THAP12: variants seen among roughly 807,000 people sequenced by gnomAD.
THAP12 encodes 52 kDa repressor of the inhibitor of the protein kinase.
In THAP12, 20 loss-of-function variants were observed where a neutral mutation model predicts 63.0. That is an observed-to-expected ratio of 0.32 (90% confidence interval 0.22 to 0.46). The LOEUF (loss-of-function observed/expected upper bound fraction) is 0.46, where lower values mean the gene tolerates loss of function less well. Among genes scored for constraint, THAP12 ranks in the 20% least tolerant of loss-of-function variants. THAP12 has a pLI of 1.00. For synonymous variants in THAP12, 264 were observed against 328.4 expected, an observed-to-expected ratio of 0.80 and a Z score of 2.12; for missense variants, 568 against 908.2, an observed-to-expected ratio of 0.63 and a Z score of 4.81.
intron 1 of THAP12, among the ~76,000 whole-genome samples, chr11:76,377,005 CTACTCCTCACTG>C (rs767642524): frequency 1.2e-3 from 190 of 152,206 alleles, no homozygotes; most frequent in Non-Finnish European, 2.2e-3. Flanking sequence ...TTCCCAACTG[CTACTCCTCACTG>C]TACTGAGCGA....
At chr11:76,354,187 C>T (rs1946545658) in intron 4 of THAP12, among the ~76,000 whole-genome samples, 1 of 152,186 alleles carries the variant, frequency 6.6e-6, no homozygotes, top group Non-Finnish European at 1.5e-5. Flanking sequence ...AAAGGGAAAT[C>T]TAGTCTGACC....
chr11:76,357,423 T>C (rs2618064), intron 3 of THAP12: 29,106 of 151,972 alleles, frequency 0.19, 3,371 homozygotes, highest in Admixed American at 0.33. Context: ...TAAGGATTTC[T>C]CAGAATTTAA....
At chr11:76,355,060 TA>T (rs1946552020) in intron 4 of THAP12, among the ~76,000 whole-genome samples, 1 of 152,226 alleles carries the variant, frequency 6.6e-6, no homozygotes, top group Non-Finnish European at 1.5e-5. Flanking sequence ...AATGCTACGT[TA>T]ATAATAACAG....
intron 1 of THAP12, among the ~76,000 whole-genome samples, chr11:76,366,260 C>A (rs1011464494): frequency 6.6e-6 from 1 of 152,190 alleles, no homozygotes; most frequent in Non-Finnish European, 1.5e-5. Flanking sequence ...ACTCCCAAAA[C>A]ATCAGAGAAG....
At chr11:76,374,423 C>G (rs1946694960) in intron 1 of THAP12, among the ~76,000 whole-genome samples, 1 of 150,888 alleles carries the variant, frequency 6.6e-6, no homozygotes, top group African/African-American at 2.4e-5. Context: ...CATCAGTGAT[C>G]TCACCAGAAA....
At chr11:76,361,266 TA>T (rs1946596160) in intron 2 of THAP12, 1 of 462,602 alleles carries the variant, frequency 2.2e-6, no homozygotes. Context: ...TATTATAAAT[TA>T]AGAAACTGAA....
At chr11:76,361,224 C>T in intron 2 of THAP12, 161 bp from the exon 3 acceptor site, 1 of 520,240 alleles carries the variant, frequency 1.9e-6, no homozygotes, top group Non-Finnish European at 3.4e-6. Context: ...CTACTATTTC[C>T]AACTGTGCCT....
At chr11:76,375,899 G>A (rs1404658603) in intron 1 of THAP12, among the ~76,000 whole-genome samples, 1 of 152,188 alleles carries the variant, frequency 6.6e-6, no homozygotes, top group South Asian at 2.1e-4. Flanking sequence ...GTAGTACGAG[G>A]AGGTTTGATT....
intron 2 of THAP12, among the ~76,000 whole-genome samples, chr11:76,363,158 T>C (rs1198992770): frequency 2.0e-5 from 3 of 151,748 alleles, no homozygotes; most frequent in Non-Finnish European, 4.4e-5. Context: ...AAAATAATAA[T>C]AATAAAAAAT....
chr11:76,378,130 T>C (rs1946724174), intron 1 of THAP12, among the ~76,000 whole-genome samples: 1 of 152,232 alleles, frequency 6.6e-6, no homozygotes. Context: ...TCTAAGAATG[T>C]GGTGCCAGCC....
chr11:76,371,509 T>C (rs1198953369), intron 1 of THAP12, among the ~76,000 whole-genome samples: 1 of 152,240 alleles, frequency 6.6e-6, no homozygotes, highest in Non-Finnish European at 1.5e-5. Context: ...CACCTCTCCA[T>C]GTATAATATC....
chr11:76,351,917 G>A lies in THAP12; in HGVS notation c.1233C>T (p.Asn411=), dbSNP rs1406548347. 1 of 1,599,088 alleles carries A rather than the reference G, an allele frequency of 6.3e-7. No homozygotes were observed. The highest frequency in any genetic ancestry group is 1.8e-5 in the Admixed American group (1 of 57,110). The change falls in exon 5 of 5, where the codon AAC becomes AAT. Residue 411 remains asparagine (N), a synonymous_variant. Coordinates refer to ENST00000260045, the MANE Select transcript of THAP12 (RefSeq NM_004705.4). ...TCAGTTCTTTACCCCTTTCTTTACT[G>A]TTCTGAAAAAGAACAGAAATTACGT... The part of the protein sequence containing the change: ...LDNVISVLFQ[N]SKERGKELKE...
At chr11:76,368,209 A>C (rs1455590728) in intron 1 of THAP12, among the ~76,000 whole-genome samples, 1 of 152,260 alleles carries the variant, frequency 6.6e-6, no homozygotes, top group Non-Finnish European at 1.5e-5. Flanking sequence ...AATGGGCATC[A>C]GGCAGAGAGC....
intron 1 of THAP12, among the ~76,000 whole-genome samples, chr11:76,378,362 T>A (rs1449000397): frequency 1.3e-5 from 2 of 151,992 alleles, no homozygotes; most frequent in African/African-American, 4.8e-5. Context: ...GTGGCAGAGG[T>A]TGCAGTGAGC....
chr11:76,369,718 A>C (rs1163897139), intron 1 of THAP12, among the ~76,000 whole-genome samples: 2 of 152,276 alleles, frequency 1.3e-5, no homozygotes, highest in African/African-American at 2.4e-5. Flanking sequence ...ATCAGGACCC[A>C]GTAAAAACCT....
rs568029308 is a variant in THAP12 at position 76,363,072 on chromosome 11, G to C, written c.211-2009C>G. ...CGGGGAGGATTGCTTGAGCCTGGGAGGTCGGGGCTGCAGTGAGCCATGGCT... is the reference window on the plus strand; with the variant it reads ...CGGGGAGGATTGCTTGAGCCTGGGACGTCGGGGCTGCAGTGAGCCATGGCT... On this transcript the variant is annotated intron_variant, in intron 2 of 4. Coordinates refer to ENST00000260045, the MANE Select transcript of THAP12 (RefSeq NM_004705.4). 7.9e-4 allele frequency among the ~76,000 whole-genome samples: 121 copies of C among 152,306 alleles called. 1 individual carries two copies. Among genetic ancestry groups the C allele is most frequent in the Middle Eastern group, 6.8e-3 (2 of 294 alleles).
intron 4 of THAP12, among the ~76,000 whole-genome samples, chr11:76,353,702 C>T (rs1946541959): frequency 6.6e-6 from 1 of 152,220 alleles, no homozygotes; most frequent in Admixed American, 6.5e-5. Flanking sequence ...ACAGTTAAAA[C>T]CTAGTTCTTA....
intron 2 of THAP12, among the ~76,000 whole-genome samples, chr11:76,365,051 T>C (rs983752199): frequency 3.3e-5 from 5 of 151,930 alleles, no homozygotes; most frequent in African/African-American, 1.2e-4. Context: ...GAGGCCGAGG[T>C]GGGCGGGTCA....
rs1364049238 is a variant in THAP12 at position 76,352,257 on chromosome 11, G to A, written c.893C>T (p.Pro298Leu). The A allele has an allele frequency of 1.9e-6, 3 of 1,611,764 alleles. No homozygotes were observed. Among genetic ancestry groups the A allele is most frequent in the Non-Finnish European group, 2.5e-6 (3 of 1,179,818 alleles). The stretch of plus-strand genomic sequence containing the variant: ...CAAAATTTCTGCATCGGCTTCATAA[G>A]GCAGGAAGCCTATAAATTCCTCTCT... The part of the protein sequence containing the change: ...NLREEFIGFL[P>L]YEADAEILAV... Residue 298 changes from proline to leucine, a missense_variant, in exon 5 of 5, where the codon CCT becomes CTT. Physicochemically the swap from Pro to Leu is moderately conservative, Grantham distance 98. Transcript: ENST00000260045.
Sources: gnomAD v4.1 joint callset for allele counts (sites outside exome capture counted in the v4.1 genomes callset) on GRCh38, gnomAD v4.1.1 for gene constraint, MANE v1.5 for transcripts, NCBI Gene and HGNC (gene_info 2026-07-23, HGNC 2026-07-21) for gene names.